JAKMIP3: variants seen among roughly 807,000 people sequenced by gnomAD.
JAKMIP3 encodes the protein janus kinase and microtubule-interacting protein 3.
In JAKMIP3, 58 loss-of-function variants were observed where a neutral mutation model predicts 118.5. The observed-to-expected ratio is 0.49, with a 90% CI of 0.40 to 0.61. JAKMIP3 has a LOEUF of 0.61. Ranked by LOEUF, JAKMIP3 falls within the 20% of genes least tolerant of loss-of-function variation. JAKMIP3 has a pLI of 0.00. For synonymous variants in JAKMIP3, 486 were observed against 451.2 expected (o/e 1.08, Z -0.98); for missense variants, 950 against 1,109.0 (o/e 0.86, Z 2.04).
intron 11 of JAKMIP3, chr10:132,144,229 G>C (rs1019590944): frequency 1.8e-4 from 27 of 152,270 alleles, no homozygotes; most frequent in Admixed American, 1.5e-3. Context: ...ACTCGGGAGG[G>C]ACTTCACAAA....
intron 23 of JAKMIP3, among the ~76,000 whole-genome samples, chr10:132,180,726 T>TGCGTGCGC (rs1322934498): frequency 4.7e-5 from 1 of 21,144 alleles, no homozygotes; most frequent in African/African-American, 2.5e-4. Flanking sequence ...TGTGCGTGTG[T>TGCGTGCGC]GTGCGTGTGT....
chr10:132,180,766 T>TGC (rs1385788352), intron 23 of JAKMIP3, among the ~76,000 whole-genome samples: 1,861 of 30,296 alleles, frequency 0.061, 484 homozygotes, highest in Non-Finnish European at 0.086. Context: ...TGTGCGTGTG[T>TGC]GTGCGTGTGT....
At chr10:132,143,098 TAA>T (rs1038932828) in intron 11 of JAKMIP3, among the ~76,000 whole-genome samples, 19 of 150,748 alleles carry the variant, frequency 1.3e-4, no homozygotes, top group African/African-American at 4.7e-4. Flanking sequence ...TTGTGAAAAC[TAA>T]GAGAGAGCTC....
intron 1 of JAKMIP3, among the ~76,000 whole-genome samples, chr10:132,087,356 G>C (rs2042533203): frequency 6.6e-6 from 1 of 152,084 alleles, no homozygotes; most frequent in Non-Finnish European, 1.5e-5. Context: ...ATCTTTTGGG[G>C]ATGAATTTCC....
At chr10:132,053,921 C>A (rs979303625) in intron 1 of JAKMIP3, among the ~76,000 whole-genome samples, 1 of 151,952 alleles carries the variant, frequency 6.6e-6, no homozygotes, top group Non-Finnish European at 1.5e-5. Context: ...CCTGTAGTCC[C>A]AGCTACTCGG....
At chr10:132,089,268 GA>G (rs1564884178) in intron 1 of JAKMIP3, among the ~76,000 whole-genome samples, 1 of 152,136 alleles carries the variant, frequency 6.6e-6, no homozygotes, top group African/African-American at 2.4e-5. Flanking sequence ...GCTTGATGGG[GA>G]TGGCATTGAA....
chr10:132,126,803 T>C (rs1220037445), intron 3 of JAKMIP3, among the ~76,000 whole-genome samples: 1 of 152,248 alleles, frequency 6.6e-6, no homozygotes, highest in Non-Finnish European at 1.5e-5. Flanking sequence ...CTTTTAAGTA[T>C]AAAATAAGCA....
At chr10:132,077,736 C>T (rs1463639395) in intron 1 of JAKMIP3, among the ~76,000 whole-genome samples, 1 of 152,210 alleles carries the variant, frequency 6.6e-6, no homozygotes, top group African/African-American at 2.4e-5. Flanking sequence ...CTGCAACCTC[C>T]ACCTCCTGGG....
chr10:132,103,079 A>G (rs1448585057), intron 1 of JAKMIP3, among the ~76,000 whole-genome samples: 2 of 152,026 alleles, frequency 1.3e-5, no homozygotes, highest in Non-Finnish European at 2.9e-5. Flanking sequence ...GAAAGTTCCC[A>G]TGTGTGATCT....
intron 10 of JAKMIP3, among the ~76,000 whole-genome samples, chr10:132,140,854 T>C (rs2053373490): frequency 6.6e-6 from 1 of 152,208 alleles, no homozygotes; most frequent in African/African-American, 2.4e-5. Flanking sequence ...CCATGCCTCC[T>C]TCTGCCACTG....
At chr10:132,161,102 GGGGGGGTCTATTCCTGTGTCTTATTGA>G (rs2058190389) in intron 19 of JAKMIP3, among the ~76,000 whole-genome samples, 3 of 82,636 alleles carry the variant, frequency 3.6e-5, no homozygotes, top group Admixed American at 1.1e-4. Context: ...TGTGATGCTG[GGGGGGGTCTATTCCTGTGTCTTATTGA>G]GGGGGCCTCT....
intron 2 of JAKMIP3, among the ~76,000 whole-genome samples, chr10:132,109,896 A>G (rs2046587663): frequency 6.6e-6 from 1 of 152,360 alleles, no homozygotes; most frequent in Non-Finnish European, 1.5e-5. Flanking sequence ...AGCAGGGAAC[A>G]GAAAATAGGA....
At chr10:132,056,653 T>C (rs1023448144) in intron 1 of JAKMIP3, among the ~76,000 whole-genome samples, 1 of 152,166 alleles carries the variant, frequency 6.6e-6, no homozygotes. Flanking sequence ...GTCATTTTCT[T>C]TTTGTGAGGC....
At position 132,049,157 on chromosome 10, in the gene JAKMIP3, C is replaced by G. The variant is rs143055197; in HGVS notation, c.-138+12419C>G. On this transcript the variant is annotated intron_variant, in intron 1 of 23. Coordinates refer to the JAKMIP3 transcript ENST00000657785. This position sits in a 1 kb window ranked among gnomAD's most constrained non-coding sequence, Gnocchi z 4.3. ...AAATGGAATAGTTTCACCAGCATGT[C>G]TCAAAGTTGGTGGTCTGGGTTGATT... Among the ~76,000 whole-genome samples, 622 of 152,248 alleles carry G rather than the reference C, an allele frequency of 4.1e-3. 6 individuals carry two copies. The highest frequency in any genetic ancestry group is 0.024 in the Middle Eastern group (7 of 294).
intron 1 of JAKMIP3, among the ~76,000 whole-genome samples, chr10:132,056,668 G>A (rs1035949701): frequency 3.3e-5 from 5 of 152,182 alleles, no homozygotes; most frequent in African/African-American, 9.7e-5. Context: ...TGAGGCCACC[G>A]AAGCTGCCAG....
intron 7 of JAKMIP3, 46 bp downstream of exon 7, chr10:132,137,196 G>C (rs781024453): frequency 2.4e-5 from 39 of 1,613,940 alleles, no homozygotes; most frequent in Non-Finnish European, 3.2e-5. Context: ...TGGCTCCCAA[G>C]GGGCTTGGCT....
chr10:132,062,544 A>G (rs1281559003), upstream of JAKMIP3, among the ~76,000 whole-genome samples: 2 of 152,266 alleles, frequency 1.3e-5, no homozygotes, highest in African/African-American at 4.8e-5. Context: ...ACGAAGATCT[A>G]CACGCACCAG....
In JAKMIP3 at chr10:132,045,585, C is replaced by G. The variant is rs533104874; in HGVS notation, c.-138+8847C>G. The stretch of plus-strand genomic sequence containing the variant: ...GAAGTGTACTGAGGTCTGCAGCTCA[C>G]TTGGAAGTGAATACAAAAGTATGAT... On this transcript the variant is annotated intron_variant, in intron 1 of 23. Transcript: ENST00000657785. Among the ~76,000 whole-genome samples the G allele has an allele frequency of 3.9e-5, 6 of 152,218 alleles. No individual in the cohort carries two copies. In the East Asian group the frequency reaches 1.2e-3, roughly 29 times the overall value.
At chr10:132,101,311 G>A (rs995989707) in intron 1 of JAKMIP3, among the ~76,000 whole-genome samples, 12 of 152,092 alleles carry the variant, frequency 7.9e-5, no homozygotes, top group African/African-American at 2.7e-4. Flanking sequence ...TGATTGCCCC[G>A]CTGCTCTCCA....
Sources: gnomAD v4.1 joint callset for allele counts (sites outside exome capture counted in the v4.1 genomes callset) on GRCh38, gnomAD v4.1.1 for gene constraint, Gnocchi (gnomAD v3.1) non-coding constraint, MANE v1.5 for transcripts, NCBI Gene and HGNC (gene_info 2026-07-23, HGNC 2026-07-21) for gene names.